The following MYO16 variants were observed in gnomAD, a reference collection of about 807,000 sequenced individuals.
The protein encoded by MYO16 is unconventional myosin-XVI.
In MYO16, 94 loss-of-function variants were observed where a neutral mutation model predicts 205.3. That is an observed-to-expected ratio of 0.46 (90% confidence interval 0.39 to 0.54). The LOEUF is 0.54. MYO16 is among the 20% of genes least tolerant of loss of function. The probability of loss-of-function intolerance (pLI) is 0.00; values close to 1 mark genes in which losing one functional copy is unlikely to be tolerated. For missense variants in MYO16, 2,315 were observed against 2,387.5 expected (o/e 0.97, Z 0.63); for synonymous variants, 988 against 954.0 (o/e 1.04, Z -0.66).
At chr13:109,129,580 G>T (rs991468814) in intron 31 of MYO16, among the ~76,000 whole-genome samples, 1 of 152,020 alleles carries the variant, frequency 6.6e-6, no homozygotes, top group East Asian at 1.9e-4. Context: ...TTAGATTTGC[G>T]GCCCATATCT....
At chr13:109,112,210 G>A (rs987878678) in intron 28 of MYO16, among the ~76,000 whole-genome samples, 1 of 152,040 alleles carries the variant, frequency 6.6e-6, no homozygotes, top group Non-Finnish European at 1.5e-5. Flanking sequence ...TATTATGGAG[G>A]GCTTTATAGG....
chr13:109,132,684 TA>T (rs35285236), intron 31 of MYO16, among the ~76,000 whole-genome samples: 11 of 152,200 alleles, frequency 7.2e-5, no homozygotes, highest in Admixed American at 3.9e-4. Flanking sequence ...AGAAGCCCTT[TA>T]AAAAAATTTT....
chr13:108,629,951 C>A, intron 1 of MYO16, 79 bp downstream of exon 1: 2 of 1,318,032 alleles, frequency 1.5e-6, no homozygotes, highest in Non-Finnish European at 2.1e-6. Flanking sequence ...AAAATTAAGG[C>A]AGTTCTCCTG....
intron 20 of MYO16, among the ~76,000 whole-genome samples, chr13:108,975,074 C>T (rs951203968): frequency 6.6e-6 from 1 of 152,042 alleles, no homozygotes; most frequent in African/African-American, 2.4e-5. Flanking sequence ...GGGTGGGTTG[C>T]CATTACTTCT....
intron 11 of MYO16, among the ~76,000 whole-genome samples, chr13:108,864,596 T>C (rs372143865): frequency 3.9e-5 from 6 of 152,236 alleles, no homozygotes; most frequent in African/African-American, 1.2e-4. Flanking sequence ...TGGTGAGATA[T>C]CAGCTTACTG....
At chr13:108,891,176 T>G (rs1282204217) in intron 14 of MYO16, among the ~76,000 whole-genome samples, 1 of 152,250 alleles carries the variant, frequency 6.6e-6, no homozygotes, top group African/African-American at 2.4e-5. Context: ...ATACATTTAA[T>G]GTGGACAACC....
At chr13:108,750,078 C>T (rs1183904109) in intron 4 of MYO16, among the ~76,000 whole-genome samples, 2 of 152,034 alleles carry the variant, frequency 1.3e-5, no homozygotes, top group African/African-American at 4.8e-5. Context: ...AAAAAAATGT[C>T]AGTGTTTGCC....
intron 23 of MYO16, among the ~76,000 whole-genome samples, chr13:109,031,623 A>G (rs999233418): frequency 1.3e-5 from 2 of 152,152 alleles, no homozygotes; most frequent in Admixed American, 1.3e-4. Flanking sequence ...GAACTTCCAA[A>G]TTATTTTCAC....
At position 108,677,356 on chromosome 13, in the gene MYO16, C is replaced by CATATATAT. The variant is rs200135645; in HGVS notation, c.292+11216_292+11223dup. 2.7e-3 allele frequency among the ~76,000 whole-genome samples: 264 copies of CATATATAT among 98,498 alleles called. 1 individual carries two copies. Among genetic ancestry groups the CATATATAT allele is most frequent in the African/African-American group, 8.8e-3 (251 of 28,366 alleles). 64.6% of individuals were successfully genotyped at this position (98,498 alleles called of 152,430 possible). ...GTGTGTATATATATATATATATATG[C>CATATATAT]ATATATATATATATATGCATATATA... is the stretch of plus-strand genomic sequence containing the variant. On this transcript the variant is annotated intron_variant, in intron 2 of 34. Coordinates refer to ENST00000457511, the MANE Select transcript of MYO16 (RefSeq NM_001198950.3).
intron 14 of MYO16, among the ~76,000 whole-genome samples, chr13:108,897,046 T>C (rs1463220423): frequency 9.2e-5 from 14 of 151,764 alleles, no homozygotes; most frequent in Admixed American, 9.2e-4. Context: ...ATCAAAGCAC[T>C]TAAAAAAAAG....
At chr13:108,955,287 C>T (rs772313610) in intron 16 of MYO16, among the ~76,000 whole-genome samples, 1 of 152,120 alleles carries the variant, frequency 6.6e-6, no homozygotes, top group Non-Finnish European at 1.5e-5. Context: ...CAGGATTTTC[C>T]GCAGCTCCTT....
At chr13:109,194,125 T>C (rs1880045844) in intron 34 of MYO16, among the ~76,000 whole-genome samples, 1 of 151,984 alleles carries the variant, frequency 6.6e-6, no homozygotes, top group Non-Finnish European at 1.5e-5. Context: ...ATTCATATAA[T>C]TTTTATGCAC....
intron 2 of MYO16, among the ~76,000 whole-genome samples, chr13:108,707,976 G>A (rs1926521): frequency 0.027 from 4,140 of 152,210 alleles, 79 homozygotes; most frequent in East Asian, 0.11. Context: ...CTCAGCTAAA[G>A]CAATGGTTTT....
intron 4 of MYO16, among the ~76,000 whole-genome samples, chr13:108,738,264 G>A (rs1181511836): frequency 6.6e-6 from 1 of 151,954 alleles, no homozygotes; most frequent in East Asian, 1.9e-4. Context: ...TTTCTCTTGT[G>A]GGCATTTAGT....
intron 20 of MYO16, among the ~76,000 whole-genome samples, chr13:108,973,530 G>A (rs73616465): frequency 6.6e-6 from 1 of 152,108 alleles, no homozygotes; most frequent in Non-Finnish European, 1.5e-5. Flanking sequence ...TAGAGATCCA[G>A]ATTTTCATCA....
intron 4 of MYO16, among the ~76,000 whole-genome samples, chr13:108,752,923 T>C (rs1428791250): frequency 6.7e-6 from 1 of 149,372 alleles, no homozygotes; most frequent in Non-Finnish European, 1.5e-5. Context: ...CATATGGCCT[T>C]AACTTATAGA....
chr13:108,919,630 A>G (rs968396435), intron 16 of MYO16, among the ~76,000 whole-genome samples: 11 of 152,334 alleles, frequency 7.2e-5, no homozygotes, highest in Admixed American at 2.6e-4. Flanking sequence ...TAAAAGGGAA[A>G]GTCCTTCTTG....
intron 20 of MYO16, among the ~76,000 whole-genome samples, chr13:108,990,151 C>T (rs1594451056): frequency 6.1e-5 from 1 of 16,440 alleles, no homozygotes; most frequent in African/African-American, 1.3e-4. Flanking sequence ...AGACAATACA[C>T]ACACACACAC....
rs1267360682 is a variant in MYO16, at chr13:108,838,556, T to C, written c.1098-5787T>C. ...GGTGGTTCATGCCTGTAGTCCCAGC[T>C]ATTCAGGAGGCTGAGGCAGGAGAAT... On this transcript the variant is annotated intron_variant, in intron 9 of 34. Transcript: ENST00000457511. Among the ~76,000 whole-genome samples, 10 of 149,284 alleles carry C rather than the reference T, an allele frequency of 6.7e-5. No homozygotes were observed. The East Asian group carries it at 2.0e-3, about 29-fold the overall frequency.
Sources: allele counts gnomAD v4.1 joint callset (sites outside exome capture counted in the v4.1 genomes callset), GRCh38; gene constraint gnomAD v4.1.1; transcripts MANE v1.5; gene names NCBI Gene and HGNC (gene_info 2026-07-23, HGNC 2026-07-21).